Variants in TTBK2 observed in about 807,000 individuals in gnomAD.
TTBK2 encodes the protein tau-tubulin kinase 2.
In TTBK2, 28 loss-of-function variants were observed where a neutral mutation model predicts 110.8. That is an observed-to-expected ratio of 0.25 (90% confidence interval 0.19 to 0.35). The LOEUF is 0.35. TTBK2 is among the 10% of genes least tolerant of loss of function. The pLI, the probability that TTBK2 is intolerant of heterozygous loss-of-function variation, is 1.00. For missense variants in TTBK2, 1,369 were observed against 1,500.3 expected (o/e 0.91, Z 1.45); for synonymous variants, 532 against 527.3 (o/e 1.01, Z -0.12).
chr15:42,838,441 C>A (rs987766045), intron 4 of TTBK2, among the ~76,000 whole-genome samples: 1 of 151,682 alleles, frequency 6.6e-6, no homozygotes, highest in Admixed American at 6.6e-5. Context: ...CCCTCTTCTC[C>A]CCACTATAGC....
chr15:42,805,732 G>A (rs1595931036), intron 9 of TTBK2, among the ~76,000 whole-genome samples: 1 of 152,154 alleles, frequency 6.6e-6, no homozygotes, highest in Non-Finnish European at 1.5e-5. Flanking sequence ...GCGTGATTGA[G>A]TTCTGACTAC....
intron 4 of TTBK2, 139 bp downstream of exon 4, chr15:42,840,221 T>C: frequency 2.5e-6 from 2 of 814,532 alleles, no homozygotes; most frequent in South Asian, 2.9e-5. Context: ...CAAGTCTGTT[T>C]AAATACAGTT....
chr15:42,768,551 AG>A (rs1188269757), intron 13 of TTBK2, among the ~76,000 whole-genome samples: 2 of 152,210 alleles, frequency 1.3e-5, no homozygotes, highest in Non-Finnish European at 2.9e-5. Flanking sequence ...CCAACTTACA[AG>A]GGATATGAAG....
At chr15:42,795,139 T>C (rs1322098454) in intron 9 of TTBK2, among the ~76,000 whole-genome samples, 1 of 152,222 alleles carries the variant, frequency 6.6e-6, no homozygotes, top group African/African-American at 2.4e-5. Flanking sequence ...TTATCATTTA[T>C]TTGTCAAAAC....
At chr15:42,906,729 G>T (rs1197533) in intron 1 of TTBK2, among the ~76,000 whole-genome samples, 1 of 152,110 alleles carries the variant, frequency 6.6e-6, no homozygotes, top group African/African-American at 2.4e-5. Flanking sequence ...AACAATCAAC[G>T]AAGTAGACAA....
chr15:42,839,124 G>A (rs188423631), intron 4 of TTBK2, among the ~76,000 whole-genome samples: 39 of 152,136 alleles, frequency 2.6e-4, no homozygotes, highest in African/African-American at 9.2e-4. Context: ...GTAGGCCCTG[G>A]TGTCTATTGT....
At chr15:42,861,410 A>T (rs1002341302) in intron 3 of TTBK2, among the ~76,000 whole-genome samples, 3 of 152,220 alleles carry the variant, frequency 2.0e-5, no homozygotes, top group African/African-American at 7.2e-5. Context: ...CTCAGACCAC[A>T]GTGCAATAAA....
Position 42,872,759 on chromosome 15 carries a change from C to A in TTBK2, c.70-1G>T. 1 of 1,613,932 alleles carries A rather than the reference C, an allele frequency of 6.2e-7. No individual in the cohort carries two copies. The highest frequency in any genetic ancestry group is 8.5e-7 in the Non-Finnish European group (1 of 1,179,936). ...AGCCCCCACCCCCAATCTTTCTCAA[C>A]TGCACAGAAAATAAGAACACACACA... On this transcript the variant is annotated splice_acceptor_variant, in intron 2 of 14. Transcript: ENST00000267890. LOFTEE classifies it high-confidence loss of function.
chr15:42,813,976 T>C (rs888919072), intron 7 of TTBK2, among the ~76,000 whole-genome samples: 4 of 152,182 alleles, frequency 2.6e-5, no homozygotes, highest in Admixed American at 1.3e-4. Context: ...AAGATTAAAA[T>C]GTAAAACAAC....
intron 1 of TTBK2, among the ~76,000 whole-genome samples, chr15:42,912,580 G>A (rs1014104037): frequency 1.3e-5 from 2 of 152,008 alleles, no homozygotes; most frequent in Admixed American, 6.6e-5. Context: ...GCCTGGTGGC[G>A]GGTGCCTGTA....
chr15:42,845,816 C>T (rs912672573), intron 3 of TTBK2, among the ~76,000 whole-genome samples: 1 of 152,078 alleles, frequency 6.6e-6, no homozygotes, highest in Non-Finnish European at 1.5e-5. Context: ...CCTAGATGGT[C>T]TAGCCTACTA....
intron 13 of TTBK2, among the ~76,000 whole-genome samples, chr15:42,763,131 C>CGTATATAT (rs1555421135): frequency 1.0e-4 from 6 of 59,840 alleles, no homozygotes; most frequent in Non-Finnish European, 1.6e-4. Flanking sequence ...CATATATATA[C>CGTATATAT]ATATATACAT....
At chr15:42,751,898 G>A (rs1478906981) in intron 14 of TTBK2, 76 bp downstream of exon 14, 1 of 1,545,760 alleles carries the variant, frequency 6.5e-7, no homozygotes, top group Non-Finnish European at 8.9e-7. Context: ...CAGAAATGTT[G>A]CCATTGGTGG....
chr15:42,910,233 G>A (rs1273094418), intron 1 of TTBK2, among the ~76,000 whole-genome samples: 1 of 151,780 alleles, frequency 6.6e-6, no homozygotes, highest in Non-Finnish European at 1.5e-5. Flanking sequence ...ATCTAGCAGT[G>A]TGAGAGAGAG....
intron 10 of TTBK2, among the ~76,000 whole-genome samples, chr15:42,792,138 GCAAA>G (rs540396628): frequency 6.6e-6 from 1 of 152,188 alleles, no homozygotes; most frequent in African/African-American, 2.4e-5. Context: ...AGACTCTGTA[GCAAA>G]CAAACAAACA....
At chr15:42,844,604 C>G (rs960656092) in intron 3 of TTBK2, among the ~76,000 whole-genome samples, 2 of 152,196 alleles carry the variant, frequency 1.3e-5, no homozygotes, top group Non-Finnish European at 2.9e-5. Context: ...AATATGCAAG[C>G]ATTTTATGCC....
intron 1 of TTBK2, among the ~76,000 whole-genome samples, chr15:42,907,227 G>T (rs949687839): frequency 2.6e-5 from 4 of 152,152 alleles, no homozygotes; most frequent in Non-Finnish European, 5.9e-5. Context: ...TACACTGCTG[G>T]TAGGAATGGA....
chr15:42,820,258 C>G (rs562094434), intron 6 of TTBK2, among the ~76,000 whole-genome samples: 17 of 152,208 alleles, frequency 1.1e-4, no homozygotes, highest in African/African-American at 3.6e-4. Flanking sequence ...TGGAGAAAAA[C>G]AGTCACATAT....
Position 42,784,927 on chromosome 15 carries a change from T to A in TTBK2, c.981-1292A>T, listed in dbSNP as rs543380529. Among the ~76,000 whole-genome samples the A allele has an allele frequency of 2.7e-4, 41 of 152,294 alleles. 1 individual carries two copies. The highest frequency in any genetic ancestry group is 3.4e-3 in the Middle Eastern group (1 of 292). ...CTGGGCTTGTAAGAAATTAAATTCT[T>A]GGAGCAGGTGCTATGTGCCCCAAGT... is the stretch of plus-strand genomic sequence containing the variant. On this transcript the variant is annotated intron_variant, in intron 10 of 14. Coordinates refer to ENST00000267890, the MANE Select transcript of TTBK2 (RefSeq NM_173500.4).
Sources: allele counts gnomAD v4.1 joint callset (sites outside exome capture counted in the v4.1 genomes callset), GRCh38; gene constraint gnomAD v4.1.1; transcripts MANE v1.5; gene names NCBI Gene and HGNC (gene_info 2026-07-23, HGNC 2026-07-21).